The following RNF170 variants were observed in gnomAD, a reference collection of about 807,000 sequenced individuals.
RNF170 encodes ring finger protein 170.
In RNF170, 12 loss-of-function variants were observed where a neutral mutation model predicts 32.7. The ratio of observed to expected loss-of-function variants is 0.37; its 90% confidence interval spans 0.24 to 0.60. The LOEUF is 0.60. Among genes scored for constraint, RNF170 ranks in the 20% least tolerant of loss-of-function variants. RNF170 has a pLI of 0.72. For missense variants in RNF170, 212 were observed against 311.2 expected, an observed-to-expected ratio of 0.68 and a Z score of 2.40; for synonymous variants, 91 against 103.6, an observed-to-expected ratio of 0.88 and a Z score of 0.74.
chr8:42,867,214 G>A (rs1235083168), intron 4 of RNF170, among the ~76,000 whole-genome samples: 3 of 152,216 alleles, frequency 2.0e-5, no homozygotes, highest in African/African-American at 7.2e-5. Context: ...GCTCACGCCT[G>A]TAATCCCAGC....
Position 42,864,526 on chromosome 8 carries a change from A to AT in RNF170, c.396+889dup, listed in dbSNP as rs1324134817. Among the ~76,000 whole-genome samples, 6 of 152,288 alleles carry AT rather than the reference A, an allele frequency of 3.9e-5. No homozygotes were observed. In the South Asian group the frequency reaches 1.2e-3, roughly 32 times the overall value. On this transcript the variant is annotated intron_variant, in intron 5 of 6. Transcript: ENST00000527424. ...TATTGGTTTCTCAGAATTGTTCAGT[A>AT]TTTCATTTCTCCAGTTTATCAAAGA...
At chr8:42,861,644 A>G (rs1803669956) in intron 6 of RNF170, 101 bp downstream of exon 6, 1 of 1,012,862 alleles carries the variant, frequency 9.9e-7, no homozygotes, top group Non-Finnish European at 1.5e-6. Context: ...TGCCTGGCCA[A>G]GATTTCTCAT....
At chr8:42,851,030 A>G (rs1586464126), downstream of RNF170, 1 of 1,548,982 alleles carries the variant, frequency 6.5e-7, no homozygotes, top group Non-Finnish European at 8.7e-7. Context: ...CCTTTTAAAA[A>G]TGTTTGTTAG....
At chr8:42,884,444 C>T (rs1805650998) in intron 2 of RNF170, among the ~76,000 whole-genome samples, 1 of 151,930 alleles carries the variant, frequency 6.6e-6, no homozygotes, top group Non-Finnish European at 1.5e-5. Flanking sequence ...TTAACAAGAC[C>T]AAGCCCTCAT....
rs188323657 is a variant in RNF170, at chr8:42,855,155, C to T, written c.*1004G>A. ...TTACAAATTACTTTTATATCTACTA[C>T]GAAAGGATGAGCTCTTGTTTAAATG... On this transcript the variant is annotated 3_prime_UTR_variant, in exon 7 of 7. Coordinates refer to ENST00000527424, the MANE Select transcript of RNF170 (RefSeq NM_030954.4). 978 of 1,286,842 alleles carry T rather than the reference C, an allele frequency of 7.6e-4. 15 individuals carry two copies. In the South Asian group the frequency reaches 9.7e-3, roughly 13 times the overall value. 79.7% of individuals were successfully genotyped at this position (1,286,842 alleles called of 1,614,324 possible). A position where few individuals can be genotyped will look rare whatever the true frequency, so the allele number is the denominator to read the frequency against.
chr8:42,891,982 G>C (rs117834212), intron 1 of RNF170, among the ~76,000 whole-genome samples: 1 of 151,996 alleles, frequency 6.6e-6, no homozygotes, highest in African/African-American at 2.4e-5. Flanking sequence ...TTCCTCTCTC[G>C]ATATGCAAAC....
downstream of RNF170, chr8:42,849,908 T>G (rs1440276725): frequency 1.3e-5 from 2 of 152,132 alleles, no homozygotes; most frequent in Non-Finnish European, 2.9e-5. Flanking sequence ...TCAAAGACAT[T>G]AGGGAGGCAG....
downstream of RNF170, chr8:42,850,596 A>G: frequency 1.5e-6 from 1 of 678,578 alleles, no homozygotes; most frequent in East Asian, 2.8e-5. Flanking sequence ...CAAAACTAAC[A>G]TTGTCTCTGT....
At chr8:42,867,775 C>CAAAAAAAAAAAAAAAAAAA (rs1054907767) in intron 4 of RNF170, among the ~76,000 whole-genome samples, 112 of 24,670 alleles carry the variant, frequency 4.5e-3, no homozygotes, top group Non-Finnish European at 5.9e-3. Context: ...GACTCCATCT[C>CAAAAAAAAAAAAAAAAAAA]AAAAAAAAAA....
Position 42,874,015 on chromosome 8 carries a change from T to C in RNF170, c.138-9A>G, listed in dbSNP as rs566376186. ...TGTTTTGATGTACATTTCTGTTGAA[T>C]AGAATATAATAAATTTTGAATAGAA... On this transcript the variant is annotated splice_polypyrimidine_tract_variant and intron_variant, in intron 2 of 6. Transcript: ENST00000527424. 6.7e-6 allele frequency: 10 copies of C among 1,501,198 alleles called. No homozygotes were observed. The highest frequency in any genetic ancestry group is 1.4e-5 in the African/African-American group (1 of 72,652). The allele number at this position is 1,501,198 out of a possible 1,614,324, so 93.0% of individuals were successfully genotyped here. A position where few individuals can be genotyped will look rare whatever the true frequency, so the allele number is the denominator to read the frequency against.
chr8:42,867,483 A>G (rs1435059182), intron 4 of RNF170, among the ~76,000 whole-genome samples: 1 of 148,704 alleles, frequency 6.7e-6, no homozygotes, highest in Non-Finnish European at 1.5e-5. Flanking sequence ...AAAAAAAAAA[A>G]AAAAAAAAAA....
chr8:42,850,294 A>G (rs1802908533), downstream of RNF170: 1 of 177,818 alleles, frequency 5.6e-6, no homozygotes, highest in Admixed American at 5.5e-5. Flanking sequence ...TCTGTGGGAA[A>G]GGGAGAGCAG....
chr8:42,854,575 G>GA lies in RNF170; in HGVS notation c.*1583dup, dbSNP rs1224614063. 5 of 1,286,900 alleles carry GA rather than the reference G, an allele frequency of 3.9e-6. No individual in the cohort carries two copies. Among genetic ancestry groups the GA allele is most frequent in the Non-Finnish European group, 3.0e-6 (3 of 988,526 alleles). 79.7% of individuals were successfully genotyped at this position (1,286,900 alleles called of 1,614,324 possible). ...ACAGCTCTGTCCTAGGTCCAAATTAGAAAAACACATATTGATATTTCATTC... is the reference window on the plus strand; with the variant it reads ...ACAGCTCTGTCCTAGGTCCAAATTAGAAAAAACACATATTGATATTTCATTC... On this transcript the variant is annotated 3_prime_UTR_variant, in exon 7 of 7. Transcript: ENST00000527424.
At chr8:42,890,444 A>C (rs1250396922) in intron 1 of RNF170, among the ~76,000 whole-genome samples, 1 of 151,348 alleles carries the variant, frequency 6.6e-6, no homozygotes, top group Non-Finnish European at 1.5e-5. Flanking sequence ...CACCCGGCTA[A>C]TTTTTTCTGT....
Position 42,855,375 on chromosome 8 carries a change from C to T in RNF170, c.*784G>A. On this transcript the variant is annotated 3_prime_UTR_variant, in exon 7 of 7. Coordinates refer to ENST00000527424, the MANE Select transcript of RNF170 (RefSeq NM_030954.4). ...TACAGGCGCCTGCCACCACGCCTGGCTAATTTTTTGTATTTTTAGTAGAGA... is the reference window on the plus strand; with the variant it reads ...TACAGGCGCCTGCCACCACGCCTGGTTAATTTTTTGTATTTTTAGTAGAGA... The T allele has an allele frequency of 1.5e-6, 1 of 671,730 alleles. No homozygotes were observed. The highest frequency in any genetic ancestry group is 2.2e-6 in the Non-Finnish European group (1 of 453,220). The allele number at this position is 671,730 out of a possible 1,614,324, so 41.6% of individuals were successfully genotyped here. A position where few individuals can be genotyped will look rare whatever the true frequency, so the allele number is the denominator to read the frequency against.
intron 5 of RNF170, among the ~76,000 whole-genome samples, chr8:42,863,201 AAC>A (rs1303894974): frequency 6.6e-6 from 1 of 152,146 alleles, no homozygotes; most frequent in Non-Finnish European, 1.5e-5. Context: ...TATCTTAGGG[AAC>A]CAAGACCTAT....
At position 42,861,607 on chromosome 8, in the gene RNF170, TG is replaced by T. The variant is rs767283594; in HGVS notation, c.507+137del. The T allele has an allele frequency of 4.1e-6, 3 of 733,838 alleles. No individual in the cohort carries two copies. The South Asian group carries it at 4.5e-5, about 11-fold the overall frequency. The allele number at this position is 733,838 out of a possible 1,614,324, so 45.5% of individuals were successfully genotyped here. On this transcript the variant is annotated intron_variant, in intron 6 of 6. Transcript: ENST00000527424. Reference sequence around the variant, plus strand: ...ATCCACCTGCCTTGGCCTCCCAAAGTGCTAGGATTATAGGCGTTAGCTACTG... The same window carrying T: ...ATCCACCTGCCTTGGCCTCCCAAAGTCTAGGATTATAGGCGTTAGCTACTG...
chr8:42,859,288 GC>G (rs1447784156), intron 6 of RNF170, among the ~76,000 whole-genome samples: 3 of 152,178 alleles, frequency 2.0e-5, no homozygotes, highest in African/African-American at 7.2e-5. Flanking sequence ...CACTGTGGTT[GC>G]CGTGAGCAGA....
At chr8:42,897,264 G>T (rs991467644), upstream of RNF170, 2 of 1,058,082 alleles carry the variant, frequency 1.9e-6, no homozygotes, top group African/African-American at 1.6e-5. Context: ...CGCGGCCCGT[G>T]GGGCGAGCGC....
Sources: gnomAD v4.1 joint callset for allele counts (sites outside exome capture counted in the v4.1 genomes callset) on GRCh38, gnomAD v4.1.1 for gene constraint, MANE v1.5 for transcripts, NCBI Gene and HGNC (gene_info 2026-07-23, HGNC 2026-07-21) for gene names.